Variants in SCD5 observed in about 807,000 individuals in gnomAD.
SCD5 encodes acyl-CoA-desaturase 4.
In SCD5, 20 loss-of-function variants were observed where a neutral mutation model predicts 30.4. The observed-to-expected ratio is 0.66, with a 90% CI of 0.46 to 0.96. The LOEUF is 0.96. Ranked by LOEUF, SCD5 falls within the 40% of genes least tolerant of loss-of-function variation. SCD5 has a pLI of 0.00. For synonymous variants in SCD5, 173 were observed against 176.4 expected (o/e 0.98, Z 0.16); for missense variants, 381 against 443.3 (o/e 0.86, Z 1.26).
chr4:82,759,643 C>T (rs1015363852), intron 1 of SCD5, among the ~76,000 whole-genome samples: 14 of 114,078 alleles, frequency 1.2e-4, no homozygotes, highest in Middle Eastern at 4.3e-3. Context: ...GCAAGAACCC[C>T]GTCTTAAAAA....
chr4:82,734,922 G>A lies in SCD5; in HGVS notation c.233-29509C>T, dbSNP rs201559733. Among the ~76,000 whole-genome samples, 6 of 152,046 alleles carry A rather than the reference G, an allele frequency of 3.9e-5. No homozygotes were observed. In the East Asian group the frequency reaches 1.2e-3, roughly 30 times the overall value. Reference sequence around the variant, plus strand: ...TGGGATTACAGGTGTGTGCCACCATGCCCAGCTAATTTTTTGTACTTTTTT... The same window carrying A: ...TGGGATTACAGGTGTGTGCCACCATACCCAGCTAATTTTTTGTACTTTTTT... On this transcript the variant is annotated intron_variant, in intron 1 of 4. Coordinates refer to ENST00000319540, the MANE Select transcript of SCD5 (RefSeq NM_001037582.3).
In SCD5 at chr4:82,730,759, G is replaced by A. The variant is rs535893961; in HGVS notation, c.233-25346C>T. The stretch of plus-strand genomic sequence containing the variant: ...CACCACCACGCCCGGCTAATTTTTT[G>A]TATTTTAGTAGAGACGGGGTTTCAC... On this transcript the variant is annotated intron_variant, in intron 1 of 4. Transcript: ENST00000319540. 1.1e-4 allele frequency among the ~76,000 whole-genome samples: 16 copies of A among 150,954 alleles called. No individual in the cohort carries two copies. The South Asian group carries it at 3.4e-3, about 32-fold the overall frequency.
chr4:82,705,404 C>T lies in SCD5; in HGVS notation c.242G>A (p.Cys81Tyr). 4 of 1,614,214 alleles carry T rather than the reference C, an allele frequency of 2.5e-6. No individual in the cohort carries two copies. The highest frequency in any genetic ancestry group is 3.4e-6 in the Non-Finnish European group (4 of 1,180,028). ...CACACCCAGAGCGGCCAGGAGGAAGCAGAAGTAGGCTGCAAGACACAAGCA... is the reference window on the plus strand; with the variant it reads ...CACACCCAGAGCGGCCAGGAGGAAGTAGAAGTAGGCTGCAAGACACAAGCA... Reference protein sequence around the residue: ...KPLTLLWAYFCFLLAALGVTA... With the variant: ...KPLTLLWAYFYFLLAALGVTA... The change falls in exon 2 of 5, where the codon TGC becomes TAC. Residue 81 changes from cysteine (C) to tyrosine (Y), a missense_variant. Physicochemically the swap from Cys to Tyr is radical, Grantham distance 194 (BLOSUM62 -2). Transcript: ENST00000319540.
chr4:82,756,468 G>A (rs1344210418), intron 1 of SCD5, among the ~76,000 whole-genome samples: 1 of 152,180 alleles, frequency 6.6e-6, no homozygotes, highest in African/African-American at 2.4e-5. Context: ...GCTCACGCCT[G>A]TAATCCCAGC....
intron 3 of SCD5, among the ~76,000 whole-genome samples, chr4:82,670,499 C>A (rs189697722): frequency 6.6e-6 from 1 of 151,420 alleles, no homozygotes; most frequent in African/African-American, 2.4e-5. Flanking sequence ...AATAAAACCA[C>A]AAAAGGCAGA....
intron 3 of SCD5, among the ~76,000 whole-genome samples, chr4:82,671,739 G>A (rs897004578): frequency 2.0e-5 from 3 of 152,130 alleles, no homozygotes; most frequent in African/African-American, 2.4e-5. Flanking sequence ...TGAGCCATGC[G>A]TGGTGGTGTG....
intron 2 of SCD5, among the ~76,000 whole-genome samples, chr4:82,693,966 G>A (rs548860061): frequency 3.9e-5 from 6 of 152,354 alleles, no homozygotes; most frequent in African/African-American, 9.6e-5. Flanking sequence ...GAGGGAATGC[G>A]GAGGGCAGGG....
intron 3 of SCD5, among the ~76,000 whole-genome samples, chr4:82,642,682 G>A (rs1286778353): frequency 6.6e-6 from 1 of 152,222 alleles, no homozygotes; most frequent in Non-Finnish European, 1.5e-5. Flanking sequence ...TTAACGGGCA[G>A]CCTAACCTGC....
At chr4:82,758,914 T>C (rs1045248074) in intron 1 of SCD5, among the ~76,000 whole-genome samples, 3 of 151,994 alleles carry the variant, frequency 2.0e-5, no homozygotes, top group African/African-American at 7.2e-5. Context: ...AACAAGCACA[T>C]CCCCTACAAT....
chr4:82,789,137 G>A (rs570618150), intron 1 of SCD5, among the ~76,000 whole-genome samples: 1 of 152,156 alleles, frequency 6.6e-6, no homozygotes, highest in African/African-American at 2.4e-5. Flanking sequence ...GGATTCCCAA[G>A]GGCCATGCAC....
At chr4:82,698,034 C>G (rs971111176) in intron 2 of SCD5, 2 of 456,566 alleles carry the variant, frequency 4.4e-6, no homozygotes, top group Admixed American at 2.3e-5. Flanking sequence ...CAAAATCACA[C>G]CAGGAAAAGC....
chr4:82,699,566 T>G (rs1375897080), intron 2 of SCD5, among the ~76,000 whole-genome samples: 2 of 21,550 alleles, frequency 9.3e-5, no homozygotes, highest in African/African-American at 6.9e-4. Flanking sequence ...GTTTTTTGTT[T>G]TTTGTTTTTT....
chr4:82,673,198 C>T (rs919475407), intron 3 of SCD5, among the ~76,000 whole-genome samples: 3 of 151,916 alleles, frequency 2.0e-5, no homozygotes, highest in Non-Finnish European at 4.4e-5. Context: ...AAAGATATAT[C>T]GATTGGGAAG....
intron 1 of SCD5, among the ~76,000 whole-genome samples, chr4:82,757,649 C>CG (rs1429153560): frequency 1.3e-5 from 2 of 152,138 alleles, no homozygotes. Flanking sequence ...GCACATATCC[C>CG]GGCTCCCGCA....
At chr4:82,688,077 C>T (rs1172052476) in intron 2 of SCD5, among the ~76,000 whole-genome samples, 1 of 152,184 alleles carries the variant, frequency 6.6e-6, no homozygotes, top group African/African-American at 2.4e-5. Flanking sequence ...GTTTTGCTAT[C>T]CCTTAATTCA....
At chr4:82,702,018 G>A (rs1719854832) in intron 2 of SCD5, among the ~76,000 whole-genome samples, 1 of 151,842 alleles carries the variant, frequency 6.6e-6, no homozygotes, top group Non-Finnish European at 1.5e-5. Context: ...GGCAAGGAAG[G>A]AGGATAGACC....
chr4:82,749,441 T>A (rs1560552290), intron 1 of SCD5, among the ~76,000 whole-genome samples: 1 of 152,178 alleles, frequency 6.6e-6, no homozygotes, highest in East Asian at 1.9e-4. Flanking sequence ...CTACAATTTC[T>A]CCAATGTTTT....
chr4:82,783,803 CAAA>C (rs531792678), intron 1 of SCD5, among the ~76,000 whole-genome samples: 1 of 88,554 alleles, frequency 1.1e-5, no homozygotes. Flanking sequence ...AACTCTGTCT[CAAA>C]AAAAAAAAAA....
At chr4:82,650,468 A>C (rs765233713) in intron 3 of SCD5, among the ~76,000 whole-genome samples, 23 of 152,184 alleles carry the variant, frequency 1.5e-4, no homozygotes, top group African/African-American at 2.2e-4. Flanking sequence ...GCCAAAGGCC[A>C]GTGGATTACC....
Sources: gnomAD v4.1 joint callset for allele counts (sites outside exome capture counted in the v4.1 genomes callset) on GRCh38, gnomAD v4.1.1 for gene constraint, MANE v1.5 for transcripts, NCBI Gene and HGNC (gene_info 2026-07-23, HGNC 2026-07-21) for gene names.